The following SCYL2 variants were observed in gnomAD, a reference collection of about 807,000 sequenced individuals.
SCYL2 encodes SCY1 like pseudokinase 2, also known as SCY1-like protein 2.
In SCYL2, 36 loss-of-function variants were observed where a neutral mutation model predicts 100.4. The ratio of observed to expected loss-of-function variants is 0.36; its 90% CI spans 0.27 to 0.47. The LOEUF is 0.47. Ranked by LOEUF, SCYL2 falls within the 20% of genes least tolerant of loss-of-function variation. The pLI is 1.00. For synonymous variants in SCYL2, 330 were observed against 359.2 expected (o/e 0.92, Z 0.92); for missense variants, 902 against 1,083.9 (o/e 0.83, Z 2.36).
intron 3 of SCYL2, among the ~76,000 whole-genome samples, chr12:100,293,748 T>C (rs1200759835): frequency 6.6e-6 from 1 of 152,098 alleles, no homozygotes; most frequent in Non-Finnish European, 1.5e-5. Flanking sequence ...GCATGCTGCC[T>C]TCAAGCATCT....
intron 13 of SCYL2, among the ~76,000 whole-genome samples, chr12:100,333,476 A>G (rs578178198): frequency 6.6e-6 from 1 of 152,360 alleles, no homozygotes; most frequent in East Asian, 1.9e-4. Flanking sequence ...AAATGTAGTT[A>G]TAAAATTTGG....
chr12:100,327,760 T>A (rs1293328517), intron 12 of SCYL2, among the ~76,000 whole-genome samples: 11 of 152,066 alleles, frequency 7.2e-5, no homozygotes, highest in Admixed American at 7.2e-4. Flanking sequence ...GTGATCCACC[T>A]GCCTCGGCCT....
At chr12:100,319,768 G>C (rs1181639597) in intron 10 of SCYL2, among the ~76,000 whole-genome samples, 1 of 152,180 alleles carries the variant, frequency 6.6e-6, no homozygotes, top group Non-Finnish European at 1.5e-5. Context: ...ATCATTCAGT[G>C]TAAGTCTTTA....
intron 2 of SCYL2, among the ~76,000 whole-genome samples, chr12:100,286,996 G>A (rs900760380): frequency 6.6e-6 from 1 of 151,926 alleles, no homozygotes; most frequent in African/African-American, 2.4e-5. Flanking sequence ...TTTTGAAGAA[G>A]GAACATTATC....
At chr12:100,315,987 G>C (rs949869161) in intron 9 of SCYL2, among the ~76,000 whole-genome samples, 2 of 152,054 alleles carry the variant, frequency 1.3e-5, no homozygotes, top group African/African-American at 4.8e-5. Context: ...ATGAAATTTT[G>C]CATGTGTTAT....
At chr12:100,271,102 G>A (rs2096287128) in intron 1 of SCYL2, among the ~76,000 whole-genome samples, 1 of 151,898 alleles carries the variant, frequency 6.6e-6, no homozygotes, top group South Asian at 2.1e-4. Context: ...CATGATTTCT[G>A]TATAGAACAA....
At position 100,335,618 on chromosome 12, in the gene SCYL2, C is replaced by A; in HGVS notation, c.1863-7C>A. 1 of 1,577,496 alleles carries A rather than the reference C, an allele frequency of 6.3e-7. No individual in the cohort carries two copies. The highest frequency in any genetic ancestry group is 8.7e-7 in the Non-Finnish European group (1 of 1,155,476). ...TATTGTTTTATCATAATTCAACTCT[C>A]CTACAGATCTTTGGATATAGGAAAT... On this transcript the variant is annotated splice_region_variant and splice_polypyrimidine_tract_variant and intron_variant, in intron 14 of 17. Coordinates refer to ENST00000360820, the MANE Select transcript of SCYL2 (RefSeq NM_017988.6).
At chr12:100,316,274 T>C (rs1411833807) in intron 9 of SCYL2, among the ~76,000 whole-genome samples, 2 of 152,182 alleles carry the variant, frequency 1.3e-5, no homozygotes, top group Non-Finnish European at 2.9e-5. Context: ...GTATATAATA[T>C]ATATTTGCTA....
chr12:100,339,295 A>ATGTTTCCTGT lies in SCYL2; in HGVS notation c.*123_*124insTGTTTCCTGT. 1.1e-6 allele frequency: 1 copy of ATGTTTCCTGT among 936,964 alleles called. No individual in the cohort carries two copies. The highest frequency in any genetic ancestry group is 1.6e-6 in the Non-Finnish European group (1 of 631,842). 58.0% of individuals were successfully genotyped at this position (936,964 alleles called of 1,614,324 possible). On this transcript the variant is annotated 3_prime_UTR_variant, in exon 18 of 18. Coordinates refer to ENST00000360820, the MANE Select transcript of SCYL2 (RefSeq NM_017988.6). ...GGAAAGTGAACAGTTCTGTGACAGGAAACATCTCTGTCCATGCCAGCATAG... is the reference window on the plus strand; with the variant it reads ...GGAAAGTGAACAGTTCTGTGACAGGATGTTTCCTGTAACATCTCTGTCCATGCCAGCATAG...
chr12:100,337,122 C>A (rs1343606933), intron 16 of SCYL2, among the ~76,000 whole-genome samples: 1 of 151,956 alleles, frequency 6.6e-6, no homozygotes, highest in Non-Finnish European at 1.5e-5. Flanking sequence ...TTGTCATTGT[C>A]TGGAAAAAAG....
chr12:100,295,604 C>G (rs1464743955), intron 3 of SCYL2, among the ~76,000 whole-genome samples: 1 of 152,054 alleles, frequency 6.6e-6, no homozygotes, highest in Non-Finnish European at 1.5e-5. Context: ...CAGGCTGAGG[C>G]AGGAGAATCA....
rs115873722 is a variant in SCYL2 at position 100,268,225 on chromosome 12, T to C, written c.-29+433T>C. On this transcript the variant is annotated intron_variant, in intron 1 of 17. Transcript: ENST00000360820. Reference sequence around the variant, plus strand: ...ACTCAGGAATTATTTGTGATGACACTTTCTAAAAACATTGGATACTATGAG... The same window carrying C: ...ACTCAGGAATTATTTGTGATGACACCTTCTAAAAACATTGGATACTATGAG... 6.1e-3 allele frequency among the ~76,000 whole-genome samples: 932 copies of C among 152,292 alleles called. 2 individuals are homozygous for C. Among genetic ancestry groups the C allele is most frequent in the Middle Eastern group, 0.017 (5 of 294 alleles).
At chr12:100,334,823 C>T (rs1231689616) in intron 14 of SCYL2, among the ~76,000 whole-genome samples, 3 of 151,886 alleles carry the variant, frequency 2.0e-5, no homozygotes, top group Non-Finnish European at 2.9e-5. Flanking sequence ...TTATTAAAAT[C>T]GAAGCCCCAC....
intron 13 of SCYL2, 75 bp from the exon 14 acceptor site, chr12:100,334,091 A>ATTGAGAATTAT: frequency 2.4e-6 from 2 of 847,716 alleles, no homozygotes; most frequent in South Asian, 2.9e-5. Flanking sequence ...TGATTAATTT[A>ATTGAGAATTAT]CTGAATTATC....
intron 2 of SCYL2, among the ~76,000 whole-genome samples, chr12:100,284,574 C>T (rs751085198): frequency 1.3e-5 from 2 of 152,108 alleles, no homozygotes; most frequent in Non-Finnish European, 2.9e-5. Flanking sequence ...GCAATTCTCC[C>T]ACCTCAGCTT....
At chr12:100,279,005 A>G (rs1592928333) in intron 1 of SCYL2, among the ~76,000 whole-genome samples, 1 of 152,140 alleles carries the variant, frequency 6.6e-6, no homozygotes, top group African/African-American at 2.4e-5. Context: ...TTTTTCTTTT[A>G]ATCACTGATT....
At position 100,267,508 on chromosome 12, in the gene SCYL2, C is replaced by T. The variant is rs1022644185; in HGVS notation, c.-313C>T. On this transcript the variant is annotated 5_prime_UTR_variant, in exon 1 of 18. Coordinates refer to ENST00000360820, the MANE Select transcript of SCYL2 (RefSeq NM_017988.6). ...AGGACTCGCGCCCGGGTTAGGCCTC[C>T]CAGGGCCGCTCAGGCTGGTGGGTGT... 6.4e-6 allele frequency: 1 copy of T among 155,258 alleles called. No homozygotes were observed. Among genetic ancestry groups the T allele is most frequent in the African/African-American group, 2.4e-5 (1 of 41,538 alleles). 9.6% of individuals were successfully genotyped at this position (155,258 alleles called of 1,614,324 possible).
chr12:100,309,443 G>C (rs997778354), intron 4 of SCYL2, among the ~76,000 whole-genome samples: 3 of 152,062 alleles, frequency 2.0e-5, no homozygotes. Context: ...CTATGAATTT[G>C]ACTACTCTAG....
intron 4 of SCYL2, among the ~76,000 whole-genome samples, chr12:100,303,177 G>A (rs950708482): frequency 1.3e-5 from 2 of 152,090 alleles, no homozygotes; most frequent in Admixed American, 6.5e-5. Flanking sequence ...TAGCTTCCTT[G>A]CATTGGGTTA....
Sources: gnomAD v4.1 joint callset for allele counts (sites outside exome capture counted in the v4.1 genomes callset) on GRCh38, gnomAD v4.1.1 for gene constraint, MANE v1.5 for transcripts, NCBI Gene and HGNC (gene_info 2026-07-23, HGNC 2026-07-21) for gene names.